THSD7B: variants seen among roughly 807,000 people sequenced by gnomAD.
THSD7B encodes thrombospondin type-1 domain-containing protein 7B.
In THSD7B, 138 loss-of-function variants were observed where a neutral mutation model predicts 213.6. The ratio of observed to expected loss-of-function variants is 0.65; its 90% CI spans 0.56 to 0.74. The LOEUF (loss-of-function observed/expected upper bound fraction) is 0.74, where lower values mean the gene tolerates loss of function less well. Ranked by LOEUF, THSD7B falls within the 30% of genes least tolerant of loss-of-function variation. The pLI, the probability that THSD7B is intolerant of heterozygous loss-of-function variation, is 0.00. For missense variants in THSD7B, 1,931 were observed against 1,991.5 expected (o/e 0.97, Z 0.58); for synonymous variants, 742 against 687.0 (o/e 1.08, Z -1.25).
intron 10 of THSD7B, among the ~76,000 whole-genome samples, chr2:137,265,927 T>C (rs1288432343): frequency 6.6e-6 from 1 of 152,184 alleles, no homozygotes; most frequent in Non-Finnish European, 1.5e-5. Flanking sequence ...TCCAATAATA[T>C]GAGAACATGG....
intron 7 of THSD7B, among the ~76,000 whole-genome samples, chr2:137,212,717 C>T (rs1397782199): frequency 6.6e-6 from 1 of 151,896 alleles, no homozygotes; most frequent in Non-Finnish European, 1.5e-5. Flanking sequence ...CTGCTTAAGG[C>T]AATCCATCAT....
chr2:137,670,538 T>C (rs186690469), intron 27 of THSD7B, among the ~76,000 whole-genome samples: 7 of 152,242 alleles, frequency 4.6e-5, no homozygotes, highest in Non-Finnish European at 1.0e-4. Flanking sequence ...AGAGAGTAAA[T>C]TGTCTATGCT....
chr2:137,114,573 C>T (rs1342019281), intron 4 of THSD7B, among the ~76,000 whole-genome samples: 2 of 152,188 alleles, frequency 1.3e-5, no homozygotes, highest in Non-Finnish European at 2.9e-5. Context: ...GGTATTAACT[C>T]ATTTTTAATA....
At chr2:137,162,716 CCCTT>C (rs201351646) in intron 6 of THSD7B, among the ~76,000 whole-genome samples, 2 of 151,868 alleles carry the variant, frequency 1.3e-5, no homozygotes, top group Non-Finnish European at 1.5e-5. Context: ...CTCCCTCCCT[CCCTT>C]CCTTCCTTTC....
At chr2:137,218,209 G>A (rs1681290754) in intron 7 of THSD7B, among the ~76,000 whole-genome samples, 1 of 151,956 alleles carries the variant, frequency 6.6e-6, no homozygotes, top group Admixed American at 6.6e-5. Context: ...AGAGGAAAAA[G>A]GAGTACATGT....
chr2:137,115,823 C>A (rs1164801258), intron 5 of THSD7B, among the ~76,000 whole-genome samples: 3 of 152,000 alleles, frequency 2.0e-5, no homozygotes, highest in African/African-American at 7.3e-5. Context: ...TGTAACCCAG[C>A]AATAGTGTGT....
intron 1 of THSD7B, among the ~76,000 whole-genome samples, chr2:136,833,350 C>T (rs1386622517): frequency 5.0e-5 from 5 of 99,450 alleles, no homozygotes; most frequent in Middle Eastern, 0.012. Context: ...GGCGAAAGAG[C>T]GAGACTCCGT....
chr2:136,859,309 C>T (rs1440897359), intron 1 of THSD7B, among the ~76,000 whole-genome samples: 1 of 152,106 alleles, frequency 6.6e-6, no homozygotes, highest in Admixed American at 6.5e-5. Flanking sequence ...GAAATGAGGC[C>T]TTTTCATGTC....
At chr2:137,064,818 A>G (rs1470233814) in intron 3 of THSD7B, among the ~76,000 whole-genome samples, 1 of 151,750 alleles carries the variant, frequency 6.6e-6, no homozygotes, top group Non-Finnish European at 1.5e-5. Context: ...TTCATTGTAG[A>G]TGTATGGGTT....
rs1434642460 is a variant in THSD7B at position 137,137,290 on chromosome 2, C to T, written c.1369+21997C>T. ...CCAGTTAACTCATTCCACTTCCAGT[C>T]CTAACCCCCACCAGAAGCAACCATT... On this transcript the variant is annotated intron_variant, in intron 5 of 27. Transcript: ENST00000409968. Among the ~76,000 whole-genome samples, 3 of 152,134 alleles carry T rather than the reference C, an allele frequency of 2.0e-5. No individual in the cohort carries two copies. In the East Asian group the frequency reaches 5.8e-4, roughly 29 times the overall value.
intron 2 of THSD7B, among the ~76,000 whole-genome samples, chr2:136,936,918 C>A (rs557597197): frequency 1.7e-4 from 26 of 151,962 alleles, no homozygotes; most frequent in Non-Finnish European, 3.4e-4. Context: ...CAAATCTCAC[C>A]AAACCCAGTC....
At chr2:136,897,331 G>A (rs1683977837) in intron 2 of THSD7B, among the ~76,000 whole-genome samples, 1 of 152,140 alleles carries the variant, frequency 6.6e-6, no homozygotes, top group Non-Finnish European at 1.5e-5. Flanking sequence ...ATGTTCAGAT[G>A]TATCCGGAGT....
chr2:137,540,405 G>T (rs141311249), intron 15 of THSD7B, among the ~76,000 whole-genome samples: 1 of 151,760 alleles, frequency 6.6e-6, no homozygotes, highest in African/African-American at 2.4e-5. Context: ...AGAATTGAGA[G>T]ATTTCTCGCA....
In THSD7B at chr2:137,024,195, C is replaced by T. The variant is rs76928115; in HGVS notation, c.140-32225C>T. ...TTTCTCTGTAGGTAACATTCCTGGA[C>T]GCGATCTGTCACCTCACTCTCTCCT... is the stretch of plus-strand genomic sequence containing the variant. On this transcript the variant is annotated intron_variant, in intron 2 of 27. Coordinates refer to ENST00000409968, the MANE Select transcript of THSD7B (RefSeq NM_001316349.2). 1.3e-3 allele frequency among the ~76,000 whole-genome samples: 205 copies of T among 152,254 alleles called. 2 individuals are homozygous for T. In the Middle Eastern group the frequency reaches 0.014, roughly 10 times the overall value.
At chr2:137,314,383 T>A (rs1388011787) in intron 12 of THSD7B, among the ~76,000 whole-genome samples, 3 of 152,200 alleles carry the variant, frequency 2.0e-5, no homozygotes, top group Admixed American at 6.5e-5. Flanking sequence ...CTTCTCTGTA[T>A]TGGTTATTCT....
chr2:137,111,456 A>G (rs1283466404), intron 4 of THSD7B, among the ~76,000 whole-genome samples: 1 of 152,172 alleles, frequency 6.6e-6, no homozygotes, highest in African/African-American at 2.4e-5. Context: ...ATGCTTTAGA[A>G]TCAGGTAAAC....
intron 21 of THSD7B, among the ~76,000 whole-genome samples, chr2:137,653,491 G>T (rs1314193350): frequency 1.3e-5 from 2 of 151,534 alleles, no homozygotes; most frequent in Non-Finnish European, 2.9e-5. Context: ...AAAGTTTTCT[G>T]TTGTTTTTTA....
chr2:137,671,323 A>AAGACT (rs951326510), intron 27 of THSD7B, among the ~76,000 whole-genome samples: 8 of 152,038 alleles, frequency 5.3e-5, no homozygotes, highest in African/African-American at 1.9e-4. Context: ...CATTGAATAA[A>AAGACT]AGACTATTGC....
At chr2:136,955,609 T>C (rs937653033) in intron 2 of THSD7B, among the ~76,000 whole-genome samples, 12 of 152,344 alleles carry the variant, frequency 7.9e-5, no homozygotes, top group African/African-American at 2.9e-4. Context: ...AGTTTTCTTA[T>C]ATTTTAATCC....
Sources: allele counts gnomAD v4.1 joint callset (sites outside exome capture counted in the v4.1 genomes callset), GRCh38; gene constraint gnomAD v4.1.1; transcripts MANE v1.5; gene names NCBI Gene and HGNC (gene_info 2026-07-23, HGNC 2026-07-21).